The following EI24 variants were observed in gnomAD, a reference collection of about 807,000 sequenced individuals.
The protein encoded by EI24 is etoposide-induced protein 2.4 homolog.
A neutral mutation model predicts 48.6 loss-of-function variants in EI24; 21 were observed. That is an observed-to-expected ratio of 0.43 (90% confidence interval 0.31 to 0.62). The LOEUF is 0.62. Among genes scored for constraint, EI24 ranks in the 20% least tolerant of loss-of-function variants. The probability of loss-of-function intolerance (pLI) is 0.10; values close to 1 mark genes in which losing one functional copy is unlikely to be tolerated. For missense variants in EI24, 280 were observed against 410.5 expected (o/e 0.68, Z 2.75); for synonymous variants, 114 against 145.5 (o/e 0.78, Z 1.56).
chr11:125,575,220 C>A (rs894670913), intron 2 of EI24, 43 bp from the exon 3 acceptor site: 15 of 1,488,632 alleles, frequency 1.0e-5, no homozygotes, highest in Non-Finnish European at 1.3e-5. Context: ...AAGCAAGACC[C>A]TGTCTCAAAT....
rs1304850258 is a variant in EI24, at chr11:125,579,087, G to A, written c.561+19G>A. On this transcript the variant is annotated intron_variant, in intron 7 of 10. Transcript: ENST00000278903. Reference sequence around the variant, plus strand: ...CATTCAGGTGAGACTGACCTTCTGGGCATATGGGCAGCTTTATTAAAAAGA... The same window carrying A: ...CATTCAGGTGAGACTGACCTTCTGGACATATGGGCAGCTTTATTAAAAAGA... The A allele has an allele frequency of 3.2e-6, 5 of 1,549,622 alleles. No homozygotes were observed. In the East Asian group the frequency reaches 9.6e-5, roughly 30 times the overall value.
At chr11:125,576,070 G>A (rs564419298) in intron 3 of EI24, 185 bp from the exon 4 acceptor site, 8 of 619,696 alleles carry the variant, frequency 1.3e-5, no homozygotes, top group South Asian at 3.9e-5. Context: ...GATTACAGCC[G>A]TGAGCCACTG....
At chr11:125,575,448 G>A (rs745760623) in intron 3 of EI24, 40 bp downstream of exon 3, 1 of 1,513,114 alleles carries the variant, frequency 6.6e-7, no homozygotes, top group Non-Finnish European at 9.0e-7. Flanking sequence ...TCCAAGGGAG[G>A]GAAGACCTTA....
At position 125,572,577 on chromosome 11, in the gene EI24, C is replaced by T; in HGVS notation, c.42+8C>T. On this transcript the variant is annotated splice_region_variant and intron_variant, in intron 2 of 10. Coordinates refer to ENST00000278903, the MANE Select transcript of EI24 (RefSeq NM_004879.5). ...CTCCAGGACCTTGCCAGAGTGAGTA[C>T]ATCTTGTTTATAGGAATTCATCTCT... 1.2e-6 allele frequency: 2 copies of T among 1,610,462 alleles called. No individual in the cohort carries two copies. Among genetic ancestry groups the T allele is most frequent in the African/African-American group, 2.7e-5 (2 of 74,618 alleles).
intron 1 of EI24, 60 bp from the exon 2 acceptor site, chr11:125,572,398 C>A: frequency 2.5e-6 from 2 of 807,298 alleles, no homozygotes; most frequent in Non-Finnish European, 4.2e-6. Flanking sequence ...TGGAAATGTG[C>A]ATGAAGTAAC....
intron 10 of EI24, 81 bp downstream of exon 10, chr11:125,582,501 A>T: frequency 1.9e-6 from 2 of 1,078,132 alleles, no homozygotes; most frequent in Non-Finnish European, 2.6e-6. Flanking sequence ...AGGCTTTTTA[A>T]AAAAAAAAAT....
At position 125,577,492 on chromosome 11, in the gene EI24, T is replaced by G; in HGVS notation, c.250-12T>G. ...GGATTTTGATGTTTGCCTTGTTGCT[T>G]CTTTTCTTTAGTTCAGTCTCCTCTT... On this transcript the variant is annotated splice_polypyrimidine_tract_variant and intron_variant, in intron 4 of 10. Transcript: ENST00000278903. 6.2e-7 allele frequency: 1 copy of G among 1,609,194 alleles called. No individual in the cohort carries two copies. The highest frequency in any genetic ancestry group is 2.2e-5 in the East Asian group (1 of 44,872).
chr11:125,579,623 C>T (rs963295581), intron 7 of EI24, among the ~76,000 whole-genome samples: 12 of 152,178 alleles, frequency 7.9e-5, no homozygotes, highest in African/African-American at 2.6e-4. Context: ...GCCGAGATCG[C>T]GCCATTGCAC....
chr11:125,581,945 TC>T (rs1459705641), intron 9 of EI24, among the ~76,000 whole-genome samples: 1 of 151,910 alleles, frequency 6.6e-6, no homozygotes, highest in Non-Finnish European at 1.5e-5. Context: ...CGCCTGTAAT[TC>T]CAGCACTTTG....
At chr11:125,582,063 T>G (rs995407306) in intron 9 of EI24, among the ~76,000 whole-genome samples, 2 of 151,834 alleles carry the variant, frequency 1.3e-5, no homozygotes, top group Non-Finnish European at 2.9e-5. Context: ...CCAGGCGTGG[T>G]GGCACACACC....
chr11:125,579,274 C>T (rs571326195), intron 7 of EI24, among the ~76,000 whole-genome samples: 1 of 151,922 alleles, frequency 6.6e-6, no homozygotes, highest in East Asian at 1.9e-4. Context: ...CATGAATTTA[C>T]CTGCTTTTTT....
At chr11:125,579,433 A>C (rs1938896322) in intron 7 of EI24, among the ~76,000 whole-genome samples, 1 of 151,288 alleles carries the variant, frequency 6.6e-6, no homozygotes, top group African/African-American at 2.4e-5. Context: ...TGGGAGGCCG[A>C]GGTGGGCGGA....
Position 125,578,081 on chromosome 11 carries a change from T to C in EI24, c.317-52T>C, listed in dbSNP as rs535678301. On this transcript the variant is annotated intron_variant, in intron 5 of 10. Coordinates refer to ENST00000278903, the MANE Select transcript of EI24 (RefSeq NM_004879.5). ...CACGAGATGGGGGTTCCGCATTTGG[T>C]CTTCTGGATTTCCATTTCTCCATTT... 2.1e-4 allele frequency: 345 copies of C among 1,609,748 alleles called. 1 individual carries two copies. In the African/African-American group the frequency reaches 4.4e-3, roughly 21 times the overall value.
At chr11:125,581,140 C>A in intron 8 of EI24, 71 bp from the exon 9 acceptor site, 2 of 755,010 alleles carry the variant, frequency 2.6e-6, no homozygotes, top group Non-Finnish European at 4.2e-6. Flanking sequence ...CATGGTTTGT[C>A]TACCATAGTT....
Position 125,581,340 on chromosome 11 carries a change from A to T in EI24, c.785+18A>T. 6.6e-7 allele frequency: 1 copy of T among 1,525,934 alleles called. No homozygotes were observed. The allele number at this position is 1,525,934 out of a possible 1,614,324, so 94.5% of individuals were successfully genotyped here. ...ATTATCAGGTAATTTGGCTACAGGG[A>T]TTTGAAGGAGACTAGTAAAAATAAA... On this transcript the variant is annotated intron_variant, in intron 9 of 10. Transcript: ENST00000278903.
chr11:125,571,310 T>TA lies in EI24; in HGVS notation c.-70-1142dup, dbSNP rs535409540. On this transcript the variant is annotated intron_variant, in intron 1 of 10. Coordinates refer to ENST00000278903, the MANE Select transcript of EI24 (RefSeq NM_004879.5). ...TGAGAACTTTAGAATATCAGGTTCT[T>TA]AAAAAATGCCTGAAAGTGGGTTTTC... Among the ~76,000 whole-genome samples, 292 of 152,356 alleles carry TA rather than the reference T, an allele frequency of 1.9e-3. 2 individuals are homozygous for TA. Among genetic ancestry groups the TA allele is most frequent in the Admixed American group, 0.015 (230 of 15,302 alleles).
intron 6 of EI24, among the ~76,000 whole-genome samples, chr11:125,578,613 G>A (rs1233170681): frequency 2.0e-5 from 3 of 148,752 alleles, no homozygotes; most frequent in African/African-American, 5.0e-5. Flanking sequence ...CTACAGGCAC[G>A]TGCCACCATG....
intron 1 of EI24, among the ~76,000 whole-genome samples, chr11:125,572,109 AC>A (rs1938555822): frequency 6.6e-6 from 1 of 152,104 alleles, no homozygotes; most frequent in African/African-American, 2.4e-5. Context: ...CCATCTCCAA[AC>A]CCTCAAAAGT....
At chr11:125,572,607 C>CT (rs369141998) in intron 2 of EI24, 38 bp downstream of exon 2, 52,640 of 1,319,850 alleles carry the variant, frequency 0.04, 3 homozygotes, top group Middle Eastern at 0.052. Context: ...ATCTCTCGGC[C>CT]TTTTTTTTTT....
Sources: gnomAD v4.1 joint callset for allele counts (sites outside exome capture counted in the v4.1 genomes callset) on GRCh38, gnomAD v4.1.1 for gene constraint, MANE v1.5 for transcripts, NCBI Gene and HGNC (gene_info 2026-07-23, HGNC 2026-07-21) for gene names.